The following LYST variants were observed in gnomAD, a reference collection of about 807,000 sequenced individuals.
The protein encoded by LYST is lysosomal-trafficking regulator.
LYST carries 192 observed loss-of-function variants against 413.6 expected under a neutral mutation model. The observed-to-expected ratio is 0.46, with a 90% CI of 0.41 to 0.52. The LOEUF (loss-of-function observed/expected upper bound fraction) is 0.52. LYST is among the 20% of genes least tolerant of loss of function. The probability of loss-of-function intolerance (pLI) is 0.00; values close to 1 mark genes in which losing one functional copy is unlikely to be tolerated. For missense variants in LYST, 3,815 were observed against 4,499.9 expected (o/e 0.85, Z 4.35); for synonymous variants, 1,525 against 1,567.3 (o/e 0.97, Z 0.64).
Position 235,792,057 on chromosome 1 carries a change from T to C in LYST, c.4185A>G (p.Leu1395=), listed in dbSNP as rs1308916537. 7 of 1,613,754 alleles carry C rather than the reference T, an allele frequency of 4.3e-6. No individual in the cohort carries two copies. In the African/African-American group the frequency reaches 9.3e-5, roughly 22 times the overall value. The change falls in exon 12 of 53, where the codon CTA becomes CTG. Residue 1395 remains leucine (L), a synonymous_variant. Transcript: ENST00000389793. ...TTGGAGCGTGCAGTAAAGGGAAGGT[T>C]AGATACTGTGAAGGGCTCATAGTAG... ...SDTTMSPSQY[L]TFPLLHAPNL...
At chr1:235,689,922 T>G (rs1470971229) in intron 47 of LYST, among the ~76,000 whole-genome samples, 1 of 152,218 alleles carries the variant, frequency 6.6e-6, no homozygotes, top group Non-Finnish European at 1.5e-5. Context: ...ATGCTTGTCT[T>G]TGTACTGGTG....
intron 48 of LYST, among the ~76,000 whole-genome samples, chr1:235,678,811 T>C (rs1435934268): frequency 6.6e-6 from 1 of 152,210 alleles, no homozygotes; most frequent in African/African-American, 2.4e-5. Flanking sequence ...ATTATGTTAC[T>C]ATAGCCATAA....
At chr1:235,754,575 T>C (rs1194898195) in intron 25 of LYST, among the ~76,000 whole-genome samples, 1 of 152,180 alleles carries the variant, frequency 6.6e-6, no homozygotes, top group Non-Finnish European at 1.5e-5. Context: ...CTGCCAAATC[T>C]TAGCTATCAC....
rs781412157 is a variant in LYST at position 235,777,215 on chromosome 1, G to A, written c.5308C>T (p.Leu1770Phe). The A allele has an allele frequency of 1.2e-6, 2 of 1,613,744 alleles. No individual in the cohort carries two copies. Among genetic ancestry groups the A allele is most frequent in the South Asian group, 2.2e-5 (2 of 91,080 alleles). Residue 1770 changes from leucine to phenylalanine, a missense_variant, in exon 17 of 53, where the codon CTC becomes TTC. Leu to Phe is a conservative substitution (Grantham distance 22, BLOSUM62 0). Coordinates refer to ENST00000389793, the MANE Select transcript of LYST (RefSeq NM_000081.4). ...IRLKGQMKTQ[L>F]SQRPFSSKEV... ...TTTGAGCTGAAGGGTCTTTGAGAGA[G>A]TTGGGTTTTCATTTGACCTTTAAGT...
chr1:235,872,067 G>A (rs1029267004), intron 1 of LYST, among the ~76,000 whole-genome samples: 5 of 152,092 alleles, frequency 3.3e-5, no homozygotes, highest in Non-Finnish European at 7.4e-5. Flanking sequence ...AGGCTGAGGC[G>A]GGTGGATCAC....
rs9919185 is a variant in LYST, at chr1:235,693,607, C to T, written c.10565-121G>A. On this transcript the variant is annotated intron_variant, in intron 46 of 52. Coordinates refer to ENST00000389793, the MANE Select transcript of LYST (RefSeq NM_000081.4). Reference sequence around the variant, plus strand: ...GCAGAACATATCATTTGGTGCAAGACCATCTTTAAATCTCTAAAATGGAAC... The same window carrying T: ...GCAGAACATATCATTTGGTGCAAGATCATCTTTAAATCTCTAAAATGGAAC... The T allele has an allele frequency of 1.5e-3, 1,593 of 1,035,622 alleles. 12 individuals are homozygous for T. In the African/African-American group the frequency reaches 0.022, roughly 14 times the overall value. The allele number at this position is 1,035,622 out of a possible 1,614,324, so 64.2% of individuals were successfully genotyped here.
At chr1:235,721,125 T>A (rs1469211875) in intron 39 of LYST, among the ~76,000 whole-genome samples, 1 of 151,926 alleles carries the variant, frequency 6.6e-6, no homozygotes, top group African/African-American at 2.4e-5. Flanking sequence ...GCTGCAGAAA[T>A]ATGTTAATAA....
chr1:235,695,827 G>C (rs910282827), intron 46 of LYST, among the ~76,000 whole-genome samples: 4 of 151,984 alleles, frequency 2.6e-5, no homozygotes, highest in African/African-American at 9.7e-5. Flanking sequence ...AGTAGAGACG[G>C]GGTTTCACCG....
At chr1:235,837,009 T>C (rs1676650255) in intron 1 of LYST, among the ~76,000 whole-genome samples, 1 of 152,210 alleles carries the variant, frequency 6.6e-6, no homozygotes, top group Non-Finnish European at 1.5e-5. Flanking sequence ...CCCAGAACAG[T>C]GCTGTTCACC....
At chr1:235,827,663 C>G (rs1007586112) in intron 3 of LYST, 1 of 984,408 alleles carries the variant, frequency 1.0e-6, no homozygotes, top group African/African-American at 1.7e-5. Flanking sequence ...ATTTTCACTC[C>G]AAAGGCACAT....
At chr1:235,765,236 C>T (rs1668015633) in intron 21 of LYST, among the ~76,000 whole-genome samples, 1 of 152,146 alleles carries the variant, frequency 6.6e-6, no homozygotes, top group African/African-American at 2.4e-5. Flanking sequence ...ATCCTTTTTC[C>T]TTAACACCTC....
intron 1 of LYST, among the ~76,000 whole-genome samples, chr1:235,836,004 T>C (rs1391983175): frequency 6.6e-6 from 1 of 152,266 alleles, no homozygotes; most frequent in South Asian, 2.1e-4. Context: ...AGAATTTTTA[T>C]ATCCTTAGCA....
At chr1:235,706,993 G>A (rs1662043945) in intron 44 of LYST, among the ~76,000 whole-genome samples, 1 of 152,166 alleles carries the variant, frequency 6.6e-6, no homozygotes, top group South Asian at 2.1e-4. Context: ...TGTTATAAAC[G>A]CTTGTAGATT....
chr1:235,828,992 G>A (rs144862823), intron 3 of LYST: 1 of 191,320 alleles, frequency 5.2e-6, no homozygotes. Flanking sequence ...ACTGCTTGAG[G>A]TCAGGAGTTT....
chr1:235,791,156 G>A lies in LYST; in HGVS notation c.4543+543C>T, dbSNP rs149903470. On this transcript the variant is annotated intron_variant, in intron 12 of 52. Transcript: ENST00000389793. ...AAATTAGCCAGGTGTGATTGCTGGCGCCTGAATCCCAGCTATTCGGGAGGC... is the reference window on the plus strand; with the variant it reads ...AAATTAGCCAGGTGTGATTGCTGGCACCTGAATCCCAGCTATTCGGGAGGC... Among the ~76,000 whole-genome samples the A allele has an allele frequency of 3.3e-5, 5 of 152,136 alleles. No individual in the cohort carries two copies. The East Asian group carries it at 7.8e-4, about 24-fold the overall frequency.
chr1:235,813,060 G>A lies in LYST; in HGVS notation c.194C>T (p.Ala65Val). 1.3e-6 allele frequency: 2 copies of A among 1,546,972 alleles called. No individual in the cohort carries two copies. Among genetic ancestry groups the A allele is most frequent in the South Asian group, 1.1e-5 (1 of 89,716 alleles). The change falls in exon 4 of 53, where the codon GCA becomes GTA. Residue 65 changes from alanine to valine, a missense_variant and splice_region_variant. Coordinates refer to ENST00000389793, the MANE Select transcript of LYST (RefSeq NM_000081.4). ...CAGGAGTTCTTCTCTACATGTCAAT[G>A]CCTATGTCAGTAACAAAAGAATCCT... is the stretch of plus-strand genomic sequence containing the variant. ...LTKLNSIIDQ[A>V]LTCREELLTL...
chr1:235,808,059 T>C (rs1673060345), intron 5 of LYST, among the ~76,000 whole-genome samples: 1 of 152,204 alleles, frequency 6.6e-6, no homozygotes, highest in African/African-American at 2.4e-5. Flanking sequence ...ATCAAGGAAA[T>C]ATAAAGTAAT....
intron 10 of LYST, among the ~76,000 whole-genome samples, chr1:235,800,047 C>T (rs1672036573): frequency 7.2e-6 from 1 of 139,400 alleles, no homozygotes; most frequent in South Asian, 2.4e-4. Flanking sequence ...GCCTTGGCCT[C>T]CTGGGCCTAA....
chr1:235,827,513 ATG>A, intron 3 of LYST: 5 of 979,590 alleles, frequency 5.1e-6, no homozygotes, highest in Non-Finnish European at 6.1e-6. Flanking sequence ...ACATACAACT[ATG>A]TGTCTAGTGT....
Sources: gnomAD v4.1 joint callset for allele counts (sites outside exome capture counted in the v4.1 genomes callset) on GRCh38, gnomAD v4.1.1 for gene constraint, MANE v1.5 for transcripts, NCBI Gene and HGNC (gene_info 2026-07-23, HGNC 2026-07-21) for gene names.